Variants in TMC1 observed in about 807,000 individuals in gnomAD.
TMC1 encodes transmembrane channel-like protein 1.
TMC1 carries 84 observed loss-of-function variants against 105.8 expected under a neutral mutation model. That is an observed-to-expected ratio of 0.79 (90% CI 0.67 to 0.95). The LOEUF is 0.95. Among genes scored for constraint, TMC1 ranks in the 40% least tolerant of loss-of-function variants. The pLI, the probability that TMC1 is intolerant of heterozygous loss-of-function variation, is 0.00. For synonymous variants in TMC1, 315 were observed against 311.5 expected (o/e 1.01, Z -0.12); for missense variants, 817 against 914.1 (o/e 0.89, Z 1.37).
intron 3 of TMC1, among the ~76,000 whole-genome samples, chr9:72,621,744 A>T (rs1267781668): frequency 6.6e-6 from 1 of 152,168 alleles, no homozygotes; most frequent in Non-Finnish European, 1.5e-5. Flanking sequence ...GATTGTGCTT[A>T]GGCTTCCTTC....
rs755369550 is a variant in TMC1 at position 72,826,931 on chromosome 9, T to C, written c.2066T>C (p.Met689Thr). Reference sequence around the variant, plus strand: ...CTGGAGCACGATTTCCCAAGCTGGATGGCGAAGATCTTGAGACAGCTTTCA... The same window carrying C: ...CTGGAGCACGATTTCCCAAGCTGGACGGCGAAGATCTTGAGACAGCTTTCA... ...ETLEHDFPSW[M>T]AKILRQLSNP... Residue 689 changes from methionine (M) to threonine (T), a missense_variant, in exon 21 of 24, where the codon ATG becomes ACG. Met to Thr is a moderately conservative substitution (Grantham distance 81). Transcript: ENST00000297784. 1.1e-5 allele frequency: 17 copies of C among 1,614,138 alleles called. No individual in the cohort carries two copies. Among genetic ancestry groups the C allele is most frequent in the South Asian group, 3.3e-5 (3 of 91,086 alleles).
At chr9:72,528,857 G>T (rs1036454163) in intron 1 of TMC1, among the ~76,000 whole-genome samples, 1 of 151,904 alleles carries the variant, frequency 6.6e-6, no homozygotes, top group African/African-American at 2.4e-5. Context: ...TGCTTACAGG[G>T]TTAGACAAAT....
intron 15 of TMC1, among the ~76,000 whole-genome samples, chr9:72,791,317 T>C (rs1336649395): frequency 6.6e-6 from 1 of 152,184 alleles, no homozygotes; most frequent in Non-Finnish European, 1.5e-5. Context: ...CTCCATTTGT[T>C]TCTCTGAGTT....
chr9:72,816,322 T>C lies in TMC1; in HGVS notation c.1763+112T>C, dbSNP rs1201866522. On this transcript the variant is annotated intron_variant, in intron 19 of 23. Transcript: ENST00000297784. The stretch of plus-strand genomic sequence containing the variant: ...AGAATACAATCGGTGTCTAACTCCA[T>C]ATTTACTTTTGCAAAGTGGATGCCT... The C allele has an allele frequency of 1.7e-5, 19 of 1,085,908 alleles. 1 individual carries two copies. The highest frequency in any genetic ancestry group is 2.7e-5 in the Non-Finnish European group (19 of 710,408). 67.3% of individuals were successfully genotyped at this position (1,085,908 alleles called of 1,614,324 possible).
intron 17 of TMC1, among the ~76,000 whole-genome samples, chr9:72,794,533 C>T (rs948131862): frequency 6.6e-6 from 1 of 152,176 alleles, no homozygotes; most frequent in African/African-American, 2.4e-5. Context: ...AACATACCCC[C>T]CTCTGAAACC....
chr9:72,667,962 G>C (rs575776331), intron 5 of TMC1, among the ~76,000 whole-genome samples: 4 of 152,024 alleles, frequency 2.6e-5, no homozygotes, highest in East Asian at 1.9e-4. Context: ...CTTTCTCTCA[G>C]TTCCTATCTT....
At chr9:72,599,272 C>T (rs930247830) in intron 2 of TMC1, among the ~76,000 whole-genome samples, 1 of 152,142 alleles carries the variant, frequency 6.6e-6, no homozygotes, top group Non-Finnish European at 1.5e-5. Context: ...CTCAGGTGAT[C>T]TGCCCACCTT....
At chr9:72,628,761 G>A (rs959498739) in intron 4 of TMC1, among the ~76,000 whole-genome samples, 2 of 152,320 alleles carry the variant, frequency 1.3e-5, no homozygotes, top group Admixed American at 1.3e-4. Context: ...ATTGGATCAT[G>A]TGTTATTTTA....
chr9:72,706,106 A>G (rs1826732872), intron 8 of TMC1, among the ~76,000 whole-genome samples: 1 of 152,088 alleles, frequency 6.6e-6, no homozygotes, highest in South Asian at 2.1e-4. Flanking sequence ...TGGGAGAATG[A>G]ATACATTTTT....
At chr9:72,593,620 G>C (rs866190694) in intron 2 of TMC1, among the ~76,000 whole-genome samples, 1 of 151,436 alleles carries the variant, frequency 6.6e-6, no homozygotes, top group Admixed American at 6.6e-5. Flanking sequence ...TTGAACGCCC[G>C]ATCTCAGGTG....
At chr9:72,786,121 A>T (rs1489037199) in intron 13 of TMC1, among the ~76,000 whole-genome samples, 1 of 152,210 alleles carries the variant, frequency 6.6e-6, no homozygotes, top group Non-Finnish European at 1.5e-5. Flanking sequence ...ATGGAGCTGC[A>T]AACTTGTCCA....
chr9:72,566,538 C>G (rs1824157281), intron 1 of TMC1, among the ~76,000 whole-genome samples: 1 of 152,194 alleles, frequency 6.6e-6, no homozygotes, highest in East Asian at 1.9e-4. Flanking sequence ...GAAAATGGAC[C>G]ACAGAGGTTC....
intron 8 of TMC1, among the ~76,000 whole-genome samples, chr9:72,736,308 A>T (rs886545159): frequency 2.0e-5 from 3 of 152,218 alleles, no homozygotes; most frequent in African/African-American, 7.2e-5. Context: ...ACAGGGTTTT[A>T]TATTATTAAC....
rs73647675 is a variant in TMC1 at position 72,622,747 on chromosome 9, C to G, written c.-195-5174C>G. On this transcript the variant is annotated intron_variant, in intron 3 of 23. Coordinates refer to ENST00000297784, the MANE Select transcript of TMC1 (RefSeq NM_138691.3). ...ATTCCCTTGGTGAGGTGACCCAGAC[C>G]CTTGTTTGAAAGCGTTTTATTGGCT... Among the ~76,000 whole-genome samples, 467 of 152,092 alleles carry G rather than the reference C, an allele frequency of 3.1e-3. 4 individuals carry two copies. Among genetic ancestry groups the G allele is most frequent in the African/African-American group, 0.011 (450 of 41,466 alleles).
At chr9:72,772,811 A>G (rs983552184) in intron 13 of TMC1, among the ~76,000 whole-genome samples, 9 of 152,168 alleles carry the variant, frequency 5.9e-5, no homozygotes, top group African/African-American at 1.9e-4. Flanking sequence ...GTGTTTAAAC[A>G]TATTTTTTAA....
At chr9:72,659,259 A>C (rs901675783) in intron 5 of TMC1, among the ~76,000 whole-genome samples, 2 of 152,172 alleles carry the variant, frequency 1.3e-5, no homozygotes, top group Non-Finnish European at 2.9e-5. Flanking sequence ...GGTTCCTGCA[A>C]CTGAAAATAA....
At chr9:72,618,210 G>T (rs544448619) in intron 3 of TMC1, among the ~76,000 whole-genome samples, 2 of 151,666 alleles carry the variant, frequency 1.3e-5, no homozygotes, top group Non-Finnish European at 2.9e-5. Flanking sequence ...TGTATTTTTA[G>T]TGGAGACTGG....
chr9:72,625,156 G>C (rs1332850517), intron 3 of TMC1, among the ~76,000 whole-genome samples: 1 of 152,146 alleles, frequency 6.6e-6, no homozygotes, highest in East Asian at 1.9e-4. Flanking sequence ...GATGTCCAAG[G>C]CTAGTTTAGA....
chr9:72,650,883 G>GATAGATATATATATAAAT (rs1825796823), intron 5 of TMC1, among the ~76,000 whole-genome samples: 2 of 98,410 alleles, frequency 2.0e-5, no homozygotes, highest in African/African-American at 3.5e-5. Flanking sequence ...TATATATATA[G>GATAGATATATATATAAAT]ATATATAGAT....
Sources: gnomAD v4.1 joint callset for allele counts (sites outside exome capture counted in the v4.1 genomes callset) on GRCh38, gnomAD v4.1.1 for gene constraint, MANE v1.5 for transcripts, NCBI Gene and HGNC (gene_info 2026-07-23, HGNC 2026-07-21) for gene names.